DPP10: variants seen among roughly 807,000 people sequenced by gnomAD.
DPP10 encodes inactive dipeptidyl peptidase 10.
DPP10 carries 33 observed loss-of-function variants against 120.9 expected under a neutral mutation model. That is an observed-to-expected ratio of 0.27 (90% CI 0.21 to 0.37). The LOEUF (loss-of-function observed/expected upper bound fraction) is 0.37. DPP10 is among the 10% of genes least tolerant of loss of function. The probability of loss-of-function intolerance (pLI) is 1.00; values close to 1 mark genes in which losing one functional copy is unlikely to be tolerated. For missense variants in DPP10, 816 were observed against 942.8 expected, an observed-to-expected ratio of 0.87 and a Z score of 1.76; for synonymous variants, 337 against 326.1, an observed-to-expected ratio of 1.03 and a Z score of -0.36.
intron 1 of DPP10, chr2:115,064,676 G>A: frequency 7.7e-7 from 1 of 1,295,192 alleles, no homozygotes. Flanking sequence ...ATGAGTGAGT[G>A]ACATGCAAGG....
At chr2:115,222,202 T>C (rs1029279877) in intron 1 of DPP10, among the ~76,000 whole-genome samples, 15 of 152,140 alleles carry the variant, frequency 9.9e-5, no homozygotes, top group Admixed American at 2.0e-4. Context: ...AATTTGATAA[T>C]GTATACCTCA....
intron 1 of DPP10, among the ~76,000 whole-genome samples, chr2:114,688,501 C>A (rs1699515879): frequency 6.6e-6 from 1 of 151,888 alleles, no homozygotes; most frequent in Admixed American, 6.6e-5. Context: ...CTGTGTTTGG[C>A]TAGAAAAGCT....
intron 1 of DPP10, among the ~76,000 whole-genome samples, chr2:114,892,616 G>T (rs1332599798): frequency 1.3e-5 from 2 of 152,346 alleles, no homozygotes; most frequent in Non-Finnish European, 1.5e-5. Flanking sequence ...CCGCTTGGCA[G>T]GCGCGTCAGT....
intron 10 of DPP10, among the ~76,000 whole-genome samples, chr2:115,752,275 G>GT (rs924460320): frequency 6.6e-6 from 1 of 152,094 alleles, no homozygotes; most frequent in Non-Finnish European, 1.5e-5. Flanking sequence ...TTTTAGAGAA[G>GT]TTTTTTTAAG....
intron 3 of DPP10, among the ~76,000 whole-genome samples, chr2:115,429,239 A>AT (rs2070756809): frequency 6.6e-6 from 1 of 151,342 alleles, no homozygotes; most frequent in African/African-American, 2.4e-5. Flanking sequence ...ATTAAAAAAA[A>AT]TTAAAAATTG....
chr2:114,860,608 A>C (rs887740444), intron 1 of DPP10, among the ~76,000 whole-genome samples: 1 of 152,122 alleles, frequency 6.6e-6, no homozygotes, highest in African/African-American at 2.4e-5. Context: ...CCACTTTTTC[A>C]CTTAAAAAAG....
intron 1 of DPP10, among the ~76,000 whole-genome samples, chr2:114,977,228 T>A (rs182981250): frequency 1.3e-5 from 2 of 152,272 alleles, no homozygotes; most frequent in Admixed American, 1.3e-4. Flanking sequence ...GTTGTGATCC[T>A]CTCAACACAC....
intron 1 of DPP10, among the ~76,000 whole-genome samples, chr2:114,690,555 C>G (rs970397590): frequency 1.2e-4 from 18 of 151,936 alleles, no homozygotes; most frequent in African/African-American, 4.1e-4. Context: ...TTAGGATTGT[C>G]TTGGCTATTT....
At chr2:114,907,964 A>T (rs1297142573) in intron 1 of DPP10, among the ~76,000 whole-genome samples, 4 of 151,958 alleles carry the variant, frequency 2.6e-5, no homozygotes, top group African/African-American at 7.2e-5. Context: ...CAGTTTTTTT[A>T]AATATAATTT....
At chr2:115,075,785 T>A (rs1048536736) in intron 1 of DPP10, among the ~76,000 whole-genome samples, 8 of 152,066 alleles carry the variant, frequency 5.3e-5, no homozygotes, top group African/African-American at 1.9e-4. Context: ...AAATTCTATT[T>A]CTGTATACCT....
intron 2 of DPP10, among the ~76,000 whole-genome samples, chr2:115,311,880 C>T (rs1376759863): frequency 6.6e-6 from 1 of 152,122 alleles, no homozygotes; most frequent in Non-Finnish European, 1.5e-5. Flanking sequence ...ATCCTCCCAC[C>T]TCAGCCTCCT....
At chr2:114,444,946 CT>C (rs1366931092) in intron 1 of DPP10, among the ~76,000 whole-genome samples, 1 of 152,136 alleles carries the variant, frequency 6.6e-6, no homozygotes, top group Non-Finnish European at 1.5e-5. Flanking sequence ...TGGAAAATCT[CT>C]CTTAGTTCAA....
At chr2:114,508,468 T>C (rs1390559864) in intron 1 of DPP10, among the ~76,000 whole-genome samples, 2 of 152,360 alleles carry the variant, frequency 1.3e-5, no homozygotes, top group East Asian at 3.9e-4. Flanking sequence ...GGTATGAATA[T>C]ATCACAGTTT....
chr2:114,557,740 C>G (rs1451112667), intron 1 of DPP10, among the ~76,000 whole-genome samples: 2 of 152,022 alleles, frequency 1.3e-5, no homozygotes, highest in Non-Finnish European at 2.9e-5. Flanking sequence ...TCTAATGGCT[C>G]GGCTCGCGAC....
At chr2:115,569,477 T>C (rs2081213773) in intron 5 of DPP10, among the ~76,000 whole-genome samples, 2 of 152,232 alleles carry the variant, frequency 1.3e-5, no homozygotes, top group African/African-American at 4.8e-5. Context: ...ATATCAGATA[T>C]TAATTATACT....
chr2:114,994,571 G>A (rs1004718021), intron 1 of DPP10, among the ~76,000 whole-genome samples: 3 of 152,110 alleles, frequency 2.0e-5, no homozygotes, highest in African/African-American at 4.8e-5. Flanking sequence ...TCCAGGATGT[G>A]GTTCCCAATT....
At chr2:115,678,303 C>G (rs953525507) in intron 5 of DPP10, among the ~76,000 whole-genome samples, 4 of 152,200 alleles carry the variant, frequency 2.6e-5, no homozygotes, top group African/African-American at 9.6e-5. Flanking sequence ...GTTTCATGGG[C>G]CAGGCCCGGG....
intron 19 of DPP10, among the ~76,000 whole-genome samples, chr2:115,802,739 T>C (rs576989564): frequency 1.4e-3 from 216 of 152,184 alleles, no homozygotes; most frequent in African/African-American, 4.8e-3. Context: ...AGTTGAGCGG[T>C]TTTGAGTGAG....
intron 1 of DPP10, among the ~76,000 whole-genome samples, chr2:114,894,551 A>G (rs966229800): frequency 6.6e-6 from 1 of 152,146 alleles, no homozygotes; most frequent in African/African-American, 2.4e-5. Flanking sequence ...TTATTTATTT[A>G]TTTTTGTCTA....
Sources: allele counts gnomAD v4.1 joint callset (sites outside exome capture counted in the v4.1 genomes callset), GRCh38; gene constraint gnomAD v4.1.1; transcripts MANE v1.5; gene names NCBI Gene and HGNC (gene_info 2026-07-23, HGNC 2026-07-21).